Variants in PLEKHH2 observed in about 807,000 individuals in gnomAD.
The protein encoded by PLEKHH2 is pleckstrin homology domain-containing family H member 2.
Under a neutral mutation model 187.9 loss-of-function variants are expected in PLEKHH2, and 129 were observed. That is an observed-to-expected ratio of 0.69 (90% CI 0.59 to 0.79). PLEKHH2 has a LOEUF of 0.79. Ranked by LOEUF, PLEKHH2 falls within the 30% of genes least tolerant of loss-of-function variation. PLEKHH2 has a pLI of 0.00. For synonymous variants in PLEKHH2, 686 were observed against 605.6 expected, an observed-to-expected ratio of 1.13 and a Z score of -1.95; for missense variants, 2,076 against 1,751.2, an observed-to-expected ratio of 1.19 and a Z score of -3.31.
At chr2:43,640,925 A>G (rs1665879188) in intron 1 of PLEKHH2, among the ~76,000 whole-genome samples, 1 of 148,934 alleles carries the variant, frequency 6.7e-6, no homozygotes, top group South Asian at 2.1e-4. Context: ...CTGGGACTAC[A>G]GGCCTGCACC....
intron 2 of PLEKHH2, chr2:43,676,113 AAC>A (rs753912783): frequency 8.1e-6 from 13 of 1,613,972 alleles, no homozygotes; most frequent in Admixed American, 1.7e-5. Flanking sequence ...TGATACAGAA[AAC>A]ACGAATACTT....
At chr2:43,755,212 C>T (rs1409291708) in intron 25 of PLEKHH2, among the ~76,000 whole-genome samples, 8 of 152,126 alleles carry the variant, frequency 5.3e-5, no homozygotes, top group Admixed American at 5.2e-4. Context: ...CATCGTCCCT[C>T]CTCTGTGTTC....
intron 16 of PLEKHH2, among the ~76,000 whole-genome samples, chr2:43,725,824 A>G (rs1670710521): frequency 6.6e-6 from 1 of 152,122 alleles, no homozygotes; most frequent in African/African-American, 2.4e-5. Context: ...TTAAAAAGGT[A>G]TGTTATACTG....
intron 25 of PLEKHH2, among the ~76,000 whole-genome samples, chr2:43,754,205 C>CACA (rs1553353833): frequency 1.0e-4 from 15 of 143,180 alleles, no homozygotes; most frequent in African/African-American, 4.0e-4. Flanking sequence ...CACACACACA[C>CACA]AAAATTAATA....
rs767476537 is a variant in PLEKHH2 at position 43,700,131 on chromosome 2, A to G, written c.1173A>G (p.Gln391=). The G allele has an allele frequency of 4.3e-6, 7 of 1,614,202 alleles. No homozygotes were observed. Among genetic ancestry groups the G allele is most frequent in the Non-Finnish European group, 1.7e-6 (2 of 1,180,038 alleles). ...CGGATGAACTGAATAAAAAATTTCA[A>G]TCCCAGAGACTCGATTATTCATCTT... ...SSSDELNKKF[Q]SQRLDYSSSS... Residue 391 remains glutamine, a synonymous_variant, in exon 8 of 30, where the codon CAA becomes CAG. Coordinates refer to ENST00000282406, the MANE Select transcript of PLEKHH2 (RefSeq NM_172069.4).
chr2:43,749,223 A>G (rs1671910267), intron 24 of PLEKHH2, among the ~76,000 whole-genome samples: 1 of 152,236 alleles, frequency 6.6e-6, no homozygotes, highest in East Asian at 1.9e-4. Context: ...GGACAAAGAG[A>G]GTCGTGAATA....
intron 2 of PLEKHH2, among the ~76,000 whole-genome samples, chr2:43,649,542 G>A (rs1666365677): frequency 6.6e-6 from 1 of 152,210 alleles, no homozygotes; most frequent in South Asian, 2.1e-4. Context: ...TCCTTGGACA[G>A]CATAGTATAT....
Position 43,704,006 on chromosome 2 carries a change from A to T in PLEKHH2, c.1676A>T (p.Lys559Ile). 6.2e-7 allele frequency: 1 copy of T among 1,605,102 alleles called. No individual in the cohort carries two copies. Among genetic ancestry groups the T allele is most frequent in the East Asian group, 2.2e-5 (1 of 44,730 alleles). The change falls in exon 9 of 30, where the codon AAA becomes ATA. Residue 559 changes from lysine to isoleucine, a missense_variant. Transcript: ENST00000282406. ...SWESRIYAVA[K>I]SGIRMSEAFN... ...GAAAGCAGAATTTATGCTGTAGCCAAATCAGGTATTCGAATGTCTGAGGCC... is the reference window on the plus strand; with the variant it reads ...GAAAGCAGAATTTATGCTGTAGCCATATCAGGTATTCGAATGTCTGAGGCC...
intron 2 of PLEKHH2, among the ~76,000 whole-genome samples, chr2:43,669,652 G>C (rs1667402124): frequency 6.6e-6 from 1 of 151,396 alleles, no homozygotes; most frequent in Non-Finnish European, 1.5e-5. Flanking sequence ...AGGAACCGAA[G>C]AATGGATAAA....
chr2:43,678,273 C>A (rs1667964545), intron 2 of PLEKHH2, among the ~76,000 whole-genome samples: 2 of 152,068 alleles, frequency 1.3e-5, no homozygotes, highest in Non-Finnish European at 2.9e-5. Flanking sequence ...CCATGGGCGG[C>A]CAGGCAGAGA....
intron 20 of PLEKHH2, among the ~76,000 whole-genome samples, chr2:43,738,818 C>T (rs1254262031): frequency 6.6e-6 from 1 of 152,102 alleles, no homozygotes; most frequent in Non-Finnish European, 1.5e-5. Flanking sequence ...TTCTTCAAAA[C>T]ATTAATGGTC....
intron 2 of PLEKHH2, among the ~76,000 whole-genome samples, chr2:43,669,231 T>G (rs1367631813): frequency 6.6e-6 from 1 of 152,072 alleles, no homozygotes; most frequent in African/African-American, 2.4e-5. Flanking sequence ...GAAAAGATAG[T>G]ATACAAAAAA....
rs1356134841 is a variant in PLEKHH2 at position 43,765,404 on chromosome 2, T to G, written c.4297-9T>G. The G allele has an allele frequency of 6.2e-7, 1 of 1,613,316 alleles. No individual in the cohort carries two copies. Among genetic ancestry groups the G allele is most frequent in the Non-Finnish European group, 8.5e-7 (1 of 1,179,526 alleles). On this transcript the variant is annotated splice_polypyrimidine_tract_variant and intron_variant, in intron 29 of 29. Coordinates refer to ENST00000282406, the MANE Select transcript of PLEKHH2 (RefSeq NM_172069.4). ...AAGGAGCAAAACAATTCTGTTTTCC[T>G]TGTTTTAGATTCTTGAAATCACTCT...
chr2:43,734,084 A>AT (rs1429072452), intron 19 of PLEKHH2, among the ~76,000 whole-genome samples: 1 of 152,186 alleles, frequency 6.6e-6, no homozygotes, highest in Non-Finnish European at 1.5e-5. Flanking sequence ...TCTAAATTCA[A>AT]TTTTTTCTTT....
intron 2 of PLEKHH2, chr2:43,676,284 C>A: frequency 6.2e-7 from 1 of 1,612,710 alleles, no homozygotes; most frequent in South Asian, 1.1e-5. Context: ...TCCCAAGCAA[C>A]ATACCCTTAA....
intron 27 of PLEKHH2, 59 bp from the exon 28 acceptor site, chr2:43,762,245 A>G: frequency 7.7e-7 from 1 of 1,295,024 alleles, no homozygotes; most frequent in Non-Finnish European, 1.1e-6. Flanking sequence ...TTAGACTGAA[A>G]AATATTCCTG....
In PLEKHH2 at chr2:43,700,622, C is replaced by T. The variant is rs748105668; in HGVS notation, c.1650+14C>T. The T allele has an allele frequency of 1.5e-5, 24 of 1,594,862 alleles. No individual in the cohort carries two copies. The highest frequency in any genetic ancestry group is 1.0e-4 in the Admixed American group (6 of 58,238). ...TTTCCTTCTTGGGTAATTATATCAC[C>T]GCATGTAACACATACGCAGTAGTTT... On this transcript the variant is annotated intron_variant, in intron 8 of 29. Coordinates refer to ENST00000282406, the MANE Select transcript of PLEKHH2 (RefSeq NM_172069.4).
chr2:43,712,077 A>G, intron 14 of PLEKHH2, 148 bp from the exon 15 acceptor site: 1 of 1,303,068 alleles, frequency 7.7e-7, no homozygotes, highest in Non-Finnish European at 1.0e-6. Context: ...TCTAACTGAT[A>G]TGGAGTCATT....
intron 2 of PLEKHH2, among the ~76,000 whole-genome samples, chr2:43,678,464 T>A (rs1221998073): frequency 6.6e-6 from 1 of 152,154 alleles, no homozygotes; most frequent in African/African-American, 2.4e-5. Flanking sequence ...TCCCGGCACC[T>A]CAGGAGGCCG....
Sources: gnomAD v4.1 joint callset for allele counts (sites outside exome capture counted in the v4.1 genomes callset) on GRCh38, gnomAD v4.1.1 for gene constraint, MANE v1.5 for transcripts, NCBI Gene and HGNC (gene_info 2026-07-23, HGNC 2026-07-21) for gene names.